Variants in NRG3 observed in about 807,000 individuals in gnomAD.
The protein encoded by NRG3 is neuregulin 3, also known as pro-neuregulin-3, membrane-bound isoform.
In NRG3, 31 loss-of-function variants were observed where a neutral mutation model predicts 66.9. That is an observed-to-expected ratio of 0.46 (90% CI 0.35 to 0.63). NRG3 has a LOEUF of 0.63. Ranked by LOEUF, NRG3 falls within the 20% of genes least tolerant of loss-of-function variation. The probability of loss-of-function intolerance (pLI) is 0.00; values close to 1 mark genes in which losing one functional copy is unlikely to be tolerated. For synonymous variants in NRG3, 393 were observed against 359.4 expected (o/e 1.09, Z -1.06); for missense variants, 910 against 878.9 (o/e 1.04, Z -0.45).
At chr10:82,842,628 A>C (rs1441591324) in intron 3 of NRG3, among the ~76,000 whole-genome samples, 1 of 152,232 alleles carries the variant, frequency 6.6e-6, no homozygotes, top group Non-Finnish European at 1.5e-5. Flanking sequence ...AGAATAGCTC[A>C]TACAGTAGTT....
intron 2 of NRG3, among the ~76,000 whole-genome samples, chr10:82,463,908 G>A (rs2091639224): frequency 6.6e-6 from 1 of 152,146 alleles, no homozygotes; most frequent in Non-Finnish European, 1.5e-5. Flanking sequence ...GGCAGTTGCT[G>A]GATAATGTGT....
At chr10:82,874,218 C>G (rs558761481) in intron 4 of NRG3, among the ~76,000 whole-genome samples, 1 of 152,004 alleles carries the variant, frequency 6.6e-6, no homozygotes, top group African/African-American at 2.4e-5. Flanking sequence ...TAAGAAGTGA[C>G]CAGTTTAGGA....
At chr10:82,826,750 C>T (rs2062231587) in intron 3 of NRG3, among the ~76,000 whole-genome samples, 1 of 152,022 alleles carries the variant, frequency 6.6e-6, no homozygotes, top group East Asian at 1.9e-4. Flanking sequence ...AGACACTGGG[C>T]CTACTTGAGG....
intron 2 of NRG3, among the ~76,000 whole-genome samples, chr10:82,569,276 A>G: frequency 6.6e-6 from 1 of 151,706 alleles, no homozygotes; most frequent in Non-Finnish European, 1.5e-5. Flanking sequence ...TAAAATGAGC[A>G]TTGGATTAGA....
rs1362842800 is a variant in NRG3, at chr10:82,495,297, G to T, written c.953+136429G>T. 2.0e-5 allele frequency among the ~76,000 whole-genome samples: 3 copies of T among 152,022 alleles called. No homozygotes were observed. The East Asian group carries it at 5.8e-4, about 29-fold the overall frequency. On this transcript the variant is annotated intron_variant, in intron 2 of 8. Coordinates refer to ENST00000372141, the MANE Select transcript of NRG3 (RefSeq NM_001010848.4). ...GTAGTCCCAAGGCTATCCCTCTTAT[G>T]GTTTTAAAGTTGACCCTTCTGGCAT...
At chr10:82,762,839 A>C (rs1213048878) in intron 3 of NRG3, among the ~76,000 whole-genome samples, 1 of 152,200 alleles carries the variant, frequency 6.6e-6, no homozygotes, top group African/African-American at 2.4e-5. Context: ...CCCATGTTGA[A>C]GTTCAGTTGC....
intron 2 of NRG3, among the ~76,000 whole-genome samples, chr10:82,633,405 G>A (rs1288079114): frequency 1.9e-4 from 29 of 152,156 alleles, no homozygotes; most frequent in Admixed American, 1.9e-3. Context: ...ATGTCAAGTT[G>A]TACGACACAG....
intron 2 of NRG3, among the ~76,000 whole-genome samples, chr10:82,625,562 A>T (rs770264982): frequency 2.3e-4 from 35 of 152,124 alleles, no homozygotes; most frequent in Non-Finnish European, 4.0e-4. Flanking sequence ...TTGCTTGGCC[A>T]CTTTAGAGAT....
At chr10:82,601,729 A>G (rs888529693) in intron 2 of NRG3, among the ~76,000 whole-genome samples, 16 of 151,198 alleles carry the variant, frequency 1.1e-4, no homozygotes, top group Admixed American at 3.3e-4. Context: ...AGTATGGTAG[A>G]TAGAGTGTGG....
intron 1 of NRG3, among the ~76,000 whole-genome samples, chr10:82,058,389 G>A (rs1282120695): frequency 4.6e-5 from 7 of 151,558 alleles, no homozygotes; most frequent in Non-Finnish European, 8.8e-5. Context: ...AATTGTCTCC[G>A]TCGATACCAT....
chr10:82,042,621 G>C lies in NRG3; in HGVS notation c.823+166458G>C, dbSNP rs17728473. Among the ~76,000 whole-genome samples the C allele has an allele frequency of 6.2e-3, 940 of 152,090 alleles. 3 individuals are homozygous for C. The highest frequency in any genetic ancestry group is 0.01 in the Middle Eastern group (3 of 294). On this transcript the variant is annotated intron_variant, in intron 1 of 8. Transcript: ENST00000372141. ...ATAAACACATAATACATTTAGAATT[G>C]TCAATGGAAGCTTGACTTTTTCTCA...
intron 2 of NRG3, among the ~76,000 whole-genome samples, chr10:82,438,520 G>A (rs2090263463): frequency 6.6e-6 from 1 of 152,220 alleles, no homozygotes; most frequent in Non-Finnish European, 1.5e-5. Flanking sequence ...TCCCCAAGGA[G>A]CTTAAACCAC....
chr10:82,636,661 G>A lies in NRG3; in HGVS notation c.954-101916G>A, dbSNP rs114080441. 6.6e-3 allele frequency among the ~76,000 whole-genome samples: 1,004 copies of A among 152,230 alleles called. 17 individuals carry two copies. The highest frequency in any genetic ancestry group is 0.023 in the African/African-American group (939 of 41,552). On this transcript the variant is annotated intron_variant, in intron 2 of 8. Transcript: ENST00000372141. Reference sequence around the variant, plus strand: ...CTATTTGTCCTCCATGGACACTCAGGTTATTTCCATATCTTGGCTATTCTA... The same window carrying A: ...CTATTTGTCCTCCATGGACACTCAGATTATTTCCATATCTTGGCTATTCTA...
intron 1 of NRG3, among the ~76,000 whole-genome samples, chr10:82,087,145 C>T (rs1783580050): frequency 6.6e-6 from 1 of 152,172 alleles, no homozygotes; most frequent in Non-Finnish European, 1.5e-5. Flanking sequence ...TAGACTTAAT[C>T]TTTAAGGCAG....
chr10:82,849,927 T>C (rs1385343959), intron 3 of NRG3, among the ~76,000 whole-genome samples: 1 of 152,058 alleles, frequency 6.6e-6, no homozygotes, highest in Non-Finnish European at 1.5e-5. Context: ...TGATTTAAGT[T>C]TTAAAGGGAT....
intron 1 of NRG3, among the ~76,000 whole-genome samples, chr10:81,984,935 A>G (rs2133504191): frequency 6.6e-6 from 1 of 152,342 alleles, no homozygotes. Context: ...TGTTTTCAAA[A>G]TATGTTTTTC....
intron 1 of NRG3, among the ~76,000 whole-genome samples, chr10:82,044,030 ATTGT>A (rs1309578398): frequency 2.0e-4 from 31 of 152,128 alleles, no homozygotes; most frequent in African/African-American, 7.0e-4. Flanking sequence ...AGCGACAGTG[ATTGT>A]TTGTATTGGT....
At chr10:82,116,576 C>T (rs1406784324) in intron 1 of NRG3, among the ~76,000 whole-genome samples, 2 of 152,070 alleles carry the variant, frequency 1.3e-5, no homozygotes, top group Non-Finnish European at 2.9e-5. Flanking sequence ...TTTAAAATAA[C>T]GAAAGCTTGC....
At chr10:82,861,760 C>CTAA (rs2064141874) in intron 3 of NRG3, among the ~76,000 whole-genome samples, 1 of 152,170 alleles carries the variant, frequency 6.6e-6, no homozygotes, top group African/African-American at 2.4e-5. Flanking sequence ...TAAAGACTTT[C>CTAA]TAATTACCCT....
Sources: allele counts gnomAD v4.1 joint callset (sites outside exome capture counted in the v4.1 genomes callset), GRCh38; gene constraint gnomAD v4.1.1; transcripts MANE v1.5; gene names NCBI Gene and HGNC (gene_info 2026-07-23, HGNC 2026-07-21).